STK39: variants seen among roughly 807,000 people sequenced by gnomAD.
STK39 encodes the protein serine/threonine kinase 39, also known as STE20/SPS1-related proline-alanine-rich protein kinase.
In STK39, 20 loss-of-function variants were observed where a neutral mutation model predicts 77.8. That is an observed-to-expected ratio of 0.26 (90% CI 0.18 to 0.37). The LOEUF (loss-of-function observed/expected upper bound fraction) is 0.37, where lower values mean the gene tolerates loss of function less well. Among genes scored for constraint, STK39 ranks in the 10% least tolerant of loss-of-function variants. STK39 has a pLI of 1.00. For synonymous variants in STK39, 246 were observed against 234.1 expected (o/e 1.05, Z -0.47); for missense variants, 479 against 656.5 (o/e 0.73, Z 2.95).
chr2:168,033,154 G>A (rs11891885), intron 14 of STK39, among the ~76,000 whole-genome samples: 10,408 of 151,988 alleles, frequency 0.068, 667 homozygotes, highest in East Asian at 0.2. Flanking sequence ...CTGATGCATG[G>A]CAGTATATTA....
chr2:168,198,607 A>G (rs1250124375), intron 1 of STK39, among the ~76,000 whole-genome samples: 1 of 152,222 alleles, frequency 6.6e-6, no homozygotes, highest in Non-Finnish European at 1.5e-5. Flanking sequence ...AATGACTCAC[A>G]AAGCACAGTA....
chr2:168,054,777 CA>C (rs5836168), intron 14 of STK39, among the ~76,000 whole-genome samples: 110,273 of 149,086 alleles, frequency 0.74, 40,806 homozygotes, highest in Non-Finnish European at 0.75. Flanking sequence ...TTGAAAAAAA[CA>C]AAAAAAAAAA....
intron 1 of STK39, among the ~76,000 whole-genome samples, chr2:168,190,567 G>A (rs1010867306): frequency 2.6e-5 from 4 of 152,268 alleles, no homozygotes; most frequent in East Asian, 1.9e-4. Context: ...AGGGCCACAC[G>A]AAATGTGGCA....
At chr2:167,975,612 G>A (rs1166268431) in intron 16 of STK39, among the ~76,000 whole-genome samples, 1 of 152,074 alleles carries the variant, frequency 6.6e-6, no homozygotes, top group Non-Finnish European at 1.5e-5. Context: ...TCAGGAGATC[G>A]AGACCATCCT....
chr2:168,149,132 C>A (rs1341929607), intron 5 of STK39, among the ~76,000 whole-genome samples: 1 of 152,198 alleles, frequency 6.6e-6, no homozygotes, highest in East Asian at 1.9e-4. Context: ...GCATATGGTT[C>A]TTTTTCACCA....
At chr2:168,218,773 T>TG (rs1690088699) in intron 1 of STK39, among the ~76,000 whole-genome samples, 1 of 152,132 alleles carries the variant, frequency 6.6e-6, no homozygotes, top group South Asian at 2.1e-4. Flanking sequence ...GAAAAAGACG[T>TG]GGGGAAAGCC....
intron 6 of STK39, 45 bp downstream of exon 6, chr2:168,140,604 G>T (rs199813803): frequency 1.4e-6 from 2 of 1,450,552 alleles, no homozygotes; most frequent in East Asian, 2.3e-5. Flanking sequence ...TGATCTGTAC[G>T]ATTGTACTAT....
chr2:168,108,746 A>G (rs932444182), intron 10 of STK39, among the ~76,000 whole-genome samples: 1 of 152,188 alleles, frequency 6.6e-6, no homozygotes, highest in African/African-American at 2.4e-5. Context: ...ATATTCACGC[A>G]TATTTCAATT....
chr2:168,008,427 A>G (rs1018423099), intron 16 of STK39, among the ~76,000 whole-genome samples: 1 of 152,202 alleles, frequency 6.6e-6, no homozygotes, highest in African/African-American at 2.4e-5. Context: ...GATGATGCCT[A>G]TGAAGAGTCT....
At chr2:168,210,964 A>C (rs921564592) in intron 1 of STK39, among the ~76,000 whole-genome samples, 3 of 152,234 alleles carry the variant, frequency 2.0e-5, no homozygotes, top group Admixed American at 2.0e-4. Flanking sequence ...CTCTGAAATA[A>C]GGCAAAAAAA....
chr2:168,126,098 A>G (rs1687534080), intron 10 of STK39, among the ~76,000 whole-genome samples: 1 of 152,206 alleles, frequency 6.6e-6, no homozygotes, highest in South Asian at 2.1e-4. Context: ...TTTCTAATCA[A>G]CATGGTTGCC....
In STK39 at chr2:168,155,561, AC is replaced by A. The variant is rs1034667127; in HGVS notation, c.628+6225del. 4.3e-5 allele frequency among the ~76,000 whole-genome samples: 6 copies of A among 139,310 alleles called. No homozygotes were observed. The South Asian group carries it at 6.8e-4, about 16-fold the overall frequency. The allele number at this position is 139,310 out of a possible 152,430, so 91.4% of individuals were successfully genotyped here. ...TTTCGGTTCACTATAAAGCACTTGC[AC>A]CCCCCCCACCCCAACAGATTTTAAT... is the stretch of plus-strand genomic sequence containing the variant. On this transcript the variant is annotated intron_variant, in intron 5 of 17. Transcript: ENST00000355999.
intron 14 of STK39, among the ~76,000 whole-genome samples, chr2:168,062,138 T>C (rs1685682001): frequency 6.6e-6 from 1 of 152,160 alleles, no homozygotes; most frequent in African/African-American, 2.4e-5. Flanking sequence ...GATTAGACTG[T>C]TGGATTCTAA....
chr2:168,205,826 A>C (rs1689727000), intron 1 of STK39, among the ~76,000 whole-genome samples: 1 of 152,168 alleles, frequency 6.6e-6, no homozygotes, highest in Non-Finnish European at 1.5e-5. Flanking sequence ...AAAATAAAAA[A>C]TAATTTAAAA....
At chr2:168,075,301 G>T in intron 10 of STK39, 70 bp from the exon 11 acceptor site, 1 of 1,597,354 alleles carries the variant, frequency 6.3e-7, no homozygotes. Flanking sequence ...GCTGCAACTT[G>T]GGTTATACGG....
chr2:168,060,419 C>G (rs776197189), intron 14 of STK39, among the ~76,000 whole-genome samples: 2 of 152,316 alleles, frequency 1.3e-5, no homozygotes, highest in African/African-American at 4.8e-5. Context: ...CCCTCTCCAC[C>G]ATGTGAGGAC....
At position 167,983,477 on chromosome 2, in the gene STK39, AAAGGAAGGAAGGAAGG is replaced by A. The variant is rs35073385; in HGVS notation, c.1499-18767_1499-18752del. 2.1e-3 allele frequency among the ~76,000 whole-genome samples: 271 copies of A among 130,800 alleles called. 3 individuals are homozygous for A. Among genetic ancestry groups the A allele is most frequent in the African/African-American group, 5.9e-3 (207 of 34,908 alleles). The allele number at this position is 130,800 out of a possible 152,430, so 85.8% of individuals were successfully genotyped here. The stretch of plus-strand genomic sequence containing the variant: ...CCAAAAAAAAAAAAAAAAAGAAATG[AAAGGAAGGAAGGAAGG>A]AAGGAAGGAAGGAAGGAAGGAAATT... On this transcript the variant is annotated intron_variant, in intron 16 of 17. Transcript: ENST00000355999.
intron 10 of STK39, among the ~76,000 whole-genome samples, chr2:168,116,930 A>G (rs1210349012): frequency 6.6e-6 from 1 of 152,220 alleles, no homozygotes; most frequent in African/African-American, 2.4e-5. Context: ...ATTTAAAGCT[A>G]TTTTTGGAAT....
chr2:168,203,595 G>A (rs535263548), intron 1 of STK39, among the ~76,000 whole-genome samples: 3 of 152,272 alleles, frequency 2.0e-5, no homozygotes, highest in Admixed American at 2.0e-4. Flanking sequence ...CGTCAGAGAT[G>A]AGTCTTGTTT....
Sources: allele counts gnomAD v4.1 joint callset (sites outside exome capture counted in the v4.1 genomes callset), GRCh38; gene constraint gnomAD v4.1.1; transcripts MANE v1.5; gene names NCBI Gene and HGNC (gene_info 2026-07-23, HGNC 2026-07-21).